TFEB: variants seen among roughly 807,000 people sequenced by gnomAD.
TFEB encodes the protein T-cell transcription factor EB.
A neutral mutation model predicts 48.0 loss-of-function variants in TFEB; 12 were observed. That is an observed-to-expected ratio of 0.25 (90% confidence interval 0.16 to 0.40). TFEB has a LOEUF of 0.40. Among genes scored for constraint, TFEB ranks in the 10% least tolerant of loss-of-function variants. The pLI, the probability that TFEB is intolerant of heterozygous loss-of-function variation, is 1.00. For missense variants in TFEB, 509 were observed against 640.3 expected (o/e 0.79, Z 2.21); for synonymous variants, 244 against 261.4 (o/e 0.93, Z 0.64).
In TFEB at chr6:41,724,373, C is replaced by T. The variant is rs753388969; in HGVS notation, c.-23+10977G>A. 6.6e-6 allele frequency among the ~76,000 whole-genome samples: 1 copy of T among 152,126 alleles called. No individual in the cohort carries two copies. The highest frequency in any genetic ancestry group is 1.5e-5 in the Non-Finnish European group (1 of 68,034). ...AGTTTACTGGGCCCTTTCGTGAGTG[C>T]AGGTTTCAGGAAGGAAGCGGGCAGC... On this transcript the variant is annotated intron_variant, in intron 1 of 8. Coordinates refer to ENST00000373033, the MANE Select transcript of TFEB (RefSeq NM_001271944.2). The surrounding 1 kb of genome is among the most constrained non-coding windows in gnomAD (Gnocchi z 4.4).
At chr6:41,717,622 C>T (rs1770795238) in intron 1 of TFEB, among the ~76,000 whole-genome samples, 1 of 152,172 alleles carries the variant, frequency 6.6e-6, no homozygotes, top group African/African-American at 2.4e-5. Context: ...CTAGGCATAG[C>T]TCCATCTCAT....
chr6:41,702,985 G>A (rs1047824654), intron 1 of TFEB, among the ~76,000 whole-genome samples: 6 of 152,244 alleles, frequency 3.9e-5, no homozygotes, highest in African/African-American at 1.2e-4. Flanking sequence ...TGGAGGGCTG[G>A]TCCGGTGGAA....
At chr6:41,721,181 C>T (rs1770963240) in intron 1 of TFEB, among the ~76,000 whole-genome samples, 1 of 152,178 alleles carries the variant, frequency 6.6e-6, no homozygotes, top group Admixed American at 6.5e-5. Context: ...AGAACTGGGC[C>T]CTGATTCTCC....
Position 41,687,106 on chromosome 6 carries a change from T to G in TFEB, c.791A>C (p.Lys264Thr). Residue 264 changes from lysine (K) to threonine (T), a missense_variant, in exon 7 of 9, where the codon AAG (lysine) becomes ACG (threonine). By Grantham distance (78) the Lys-to-Thr change is moderately conservative. This residue lies in a region of TFEB where 28 missense variants were observed against 71.9 expected (regional missense o/e 0.39). Coordinates refer to ENST00000373033, the MANE Select transcript of TFEB (RefSeq NM_001271944.2). Reference protein sequence around the residue: ...RIKELGMLIPKANDLDVRWNK... With the variant: ...RIKELGMLIPTANDLDVRWNK... ...GAAACCTGCTCACAGGTCATTGGCC[T>G]TGGGGATCAGCATTCCCAACTCCTT... is the stretch of plus-strand genomic sequence containing the variant. The G allele has an allele frequency of 1.9e-6, 3 of 1,614,150 alleles. No homozygotes were observed.
rs116041259 is a variant in TFEB, at chr6:41,712,125, G to A, written c.-22-20890C>T. ...GTGCAGGTAGAGCAGGGAAACTGAG[G>A]CACAGAGCCTGTCCTCCAGCTCTGG... On this transcript the variant is annotated intron_variant, in intron 1 of 8. Transcript: ENST00000373033. Among the ~76,000 whole-genome samples the A allele has an allele frequency of 3.5e-3, 529 of 152,220 alleles. 6 individuals are homozygous for A. The highest frequency in any genetic ancestry group is 0.011 in the African/African-American group (474 of 41,514).
intron 1 of TFEB, among the ~76,000 whole-genome samples, chr6:41,726,335 C>A (rs1185477936): frequency 6.6e-6 from 1 of 152,156 alleles, no homozygotes; most frequent in Non-Finnish European, 1.5e-5. Flanking sequence ...AGCTGATTAT[C>A]GTACAGTCAG....
chr6:41,732,094 C>T (rs918882554), intron 1 of TFEB, among the ~76,000 whole-genome samples: 1 of 152,152 alleles, frequency 6.6e-6, no homozygotes, highest in Non-Finnish European at 1.5e-5. Context: ...CTATGTTGCC[C>T]AGGCTGGTCT....
intron 1 of TFEB, among the ~76,000 whole-genome samples, chr6:41,694,552 T>C (rs979336799): frequency 2.0e-5 from 3 of 151,890 alleles, no homozygotes; most frequent in African/African-American, 7.3e-5. Context: ...CCTGAGGGGA[T>C]CAGAGAGCGA....
At chr6:41,716,882 T>C (rs896036495) in intron 1 of TFEB, among the ~76,000 whole-genome samples, 2 of 152,100 alleles carry the variant, frequency 1.3e-5, no homozygotes, top group African/African-American at 4.8e-5. Context: ...CCCCCACAGC[T>C]AGCAGAGGAC....
At chr6:41,732,742 G>C in intron 1 of TFEB, 1 of 985,884 alleles carries the variant, frequency 1.0e-6, no homozygotes, top group Non-Finnish European at 1.2e-6. Context: ...GATCCACACT[G>C]TACATGCATA....
At position 41,723,329 on chromosome 6, in the gene TFEB, T is replaced by G; in HGVS notation, c.-23+12021A>C. On this transcript the variant is annotated intron_variant, in intron 1 of 8. Coordinates refer to ENST00000373033, the MANE Select transcript of TFEB (RefSeq NM_001271944.2). The surrounding 1 kb of genome is among the most constrained non-coding windows in gnomAD (Gnocchi z 6.0). ...GGGGCCTCATCCCTACCCACCCACC[T>G]CCCCAAAGACACCACACGCATGCAC... 1 of 394,584 alleles carries G rather than the reference T, an allele frequency of 2.5e-6. No individual in the cohort carries two copies. The highest frequency in any genetic ancestry group is 4.5e-6 in the Non-Finnish European group (1 of 220,858). The allele number at this position is 394,584 out of a possible 1,614,324, so 24.4% of individuals were successfully genotyped here. A position where few individuals can be genotyped will look rare whatever the true frequency, so the allele number is the denominator to read the frequency against.
intron 1 of TFEB, among the ~76,000 whole-genome samples, chr6:41,701,604 T>C (rs1393600011): frequency 1.3e-5 from 2 of 152,016 alleles, no homozygotes; most frequent in Admixed American, 6.5e-5. Flanking sequence ...ACACAAACAC[T>C]TGATGGGATA....
chr6:41,700,189 G>C (rs551883554), intron 1 of TFEB, among the ~76,000 whole-genome samples: 2 of 152,008 alleles, frequency 1.3e-5, no homozygotes, highest in Admixed American at 1.3e-4. Flanking sequence ...AAAAGAGGCT[G>C]GGCGCGGTGG....
intron 1 of TFEB, among the ~76,000 whole-genome samples, chr6:41,728,594 A>G (rs1356719124): frequency 6.6e-6 from 1 of 152,066 alleles, no homozygotes. Context: ...ATTATAAACA[A>G]GGCAAAGGAC....
At chr6:41,704,048 A>G (rs1056507389) in intron 1 of TFEB, among the ~76,000 whole-genome samples, 1 of 152,046 alleles carries the variant, frequency 6.6e-6, no homozygotes, top group East Asian at 1.9e-4. Context: ...GCTCTTGGCT[A>G]AGCAGGTGGG....
intron 7 of TFEB, 58 bp downstream of exon 7, chr6:41,687,036 T>C: frequency 2.1e-6 from 3 of 1,462,726 alleles, no homozygotes; most frequent in Non-Finnish European, 2.9e-6. Flanking sequence ...GGGCAGATAA[T>C]ACTTGTCAGC....
At chr6:41,698,784 C>A (rs762361796) in intron 1 of TFEB, among the ~76,000 whole-genome samples, 25 of 152,268 alleles carry the variant, frequency 1.6e-4, no homozygotes, top group Non-Finnish European at 3.2e-4. Flanking sequence ...AACCTTTCAG[C>A]CTAGGGAAGG....
chr6:41,689,093 C>T (rs532410772), intron 4 of TFEB, among the ~76,000 whole-genome samples: 58 of 152,332 alleles, frequency 3.8e-4, no homozygotes, highest in South Asian at 2.1e-3. Flanking sequence ...CCCCATTTTG[C>T]AGCTGAGAAA....
rs995522222 is a variant in TFEB at position 41,724,611 on chromosome 6, C to G, written c.-23+10739G>C. Among the ~76,000 whole-genome samples, 2 of 152,160 alleles carry G rather than the reference C, an allele frequency of 1.3e-5. No homozygotes were observed. The highest frequency in any genetic ancestry group is 4.8e-5 in the African/African-American group (2 of 41,432). On this transcript the variant is annotated intron_variant, in intron 1 of 8. Transcript: ENST00000373033. This position sits in a 1 kb window ranked among gnomAD's most constrained non-coding sequence, Gnocchi z 4.4. Reference sequence around the variant, plus strand: ...TGTGCAGAGCCCCCAGGGAGGACCTCTGGCTCCCGCCCCTTGCCGCCCGAG... The same window carrying G: ...TGTGCAGAGCCCCCAGGGAGGACCTGTGGCTCCCGCCCCTTGCCGCCCGAG...
Sources: gnomAD v4.1 joint callset for allele counts (sites outside exome capture counted in the v4.1 genomes callset) on GRCh38, gnomAD v4.1.1 for gene constraint, gnomAD v4.1.1 regional missense constraint, Gnocchi (gnomAD v3.1) non-coding constraint, MANE v1.5 for transcripts, NCBI Gene and HGNC (gene_info 2026-07-23, HGNC 2026-07-21) for gene names.